Variants in RNF38 observed in about 807,000 individuals in gnomAD.
The protein encoded by RNF38 is E3 ubiquitin-protein ligase RNF38.
In RNF38, 15 loss-of-function variants were observed where a neutral mutation model predicts 67.2. The observed-to-expected ratio is 0.22, with a 90% CI of 0.15 to 0.34. The LOEUF is 0.34. Ranked by LOEUF, RNF38 falls within the 10% of genes least tolerant of loss-of-function variation. The pLI is 1.00. For synonymous variants in RNF38, 220 were observed against 218.8 expected, an observed-to-expected ratio of 1.01 and a Z score of -0.05; for missense variants, 524 against 639.9, an observed-to-expected ratio of 0.82 and a Z score of 1.95.
At chr9:36,368,644 G>T (rs1007592328) in intron 4 of RNF38, among the ~76,000 whole-genome samples, 1 of 152,054 alleles carries the variant, frequency 6.6e-6, no homozygotes, top group Non-Finnish European at 1.5e-5. Context: ...TTTCCTACAT[G>T]ATCAATTTTT....
chr9:36,362,319 T>C (rs141954006), intron 4 of RNF38, among the ~76,000 whole-genome samples: 1,692 of 151,164 alleles, frequency 0.011, 29 homozygotes, highest in African/African-American at 0.039. Context: ...GATCGAGCCA[T>C]TGCACTCCAG....
At chr9:36,440,389 C>T (rs923008054) in intron 1 of RNF38, among the ~76,000 whole-genome samples, 3 of 151,172 alleles carry the variant, frequency 2.0e-5, no homozygotes, top group Admixed American at 2.0e-4. Context: ...AAATTAACCG[C>T]GTGTGGTGGC....
intron 2 of RNF38, 140 bp downstream of exon 2, chr9:36,390,327 G>C: frequency 1.6e-6 from 1 of 619,094 alleles, no homozygotes; most frequent in Non-Finnish European, 2.5e-6. Context: ...AAATATTAAA[G>C]TCCTCTAAGA....
intron 4 of RNF38, among the ~76,000 whole-genome samples, chr9:36,365,791 G>A (rs565739946): frequency 2.0e-5 from 3 of 147,492 alleles, no homozygotes; most frequent in South Asian, 2.2e-4. Flanking sequence ...TCAGCCTCTC[G>A]AACAGCTGGG....
At chr9:36,463,452 G>A (rs542636696) in intron 1 of RNF38, among the ~76,000 whole-genome samples, 21 of 152,248 alleles carry the variant, frequency 1.4e-4, no homozygotes, top group South Asian at 1.0e-3. Context: ...GTTCTTCAAT[G>A]ATCTAAACGT....
chr9:36,479,901 A>G (rs1840208032), intron 1 of RNF38, among the ~76,000 whole-genome samples: 1 of 152,124 alleles, frequency 6.6e-6, no homozygotes, highest in South Asian at 2.1e-4. Flanking sequence ...GGAGTTCAAG[A>G]CCACCATGGG....
At chr9:36,362,779 G>A (rs768755080) in intron 4 of RNF38, among the ~76,000 whole-genome samples, 7 of 152,058 alleles carry the variant, frequency 4.6e-5, no homozygotes, top group East Asian at 1.9e-4. Context: ...GACTATAGGC[G>A]TGCATCACCA....
chr9:36,417,396 G>C (rs1292532160), intron 2 of RNF38, among the ~76,000 whole-genome samples: 2 of 152,142 alleles, frequency 1.3e-5, no homozygotes, highest in African/African-American at 4.8e-5. Flanking sequence ...GCCCGCTTTT[G>C]ATTTAAAATT....
chr9:36,356,747 T>TG (rs994212293), intron 5 of RNF38, among the ~76,000 whole-genome samples: 93 of 29,384 alleles, frequency 3.2e-3, no homozygotes, highest in Admixed American at 4.9e-3. Flanking sequence ...GGGGCGGGTG[T>TG]GGGGGGGGCG....
chr9:36,409,618 G>A (rs1308430445), intron 2 of RNF38, among the ~76,000 whole-genome samples: 1 of 152,190 alleles, frequency 6.6e-6, no homozygotes, highest in East Asian at 1.9e-4. Flanking sequence ...TGCTCTAGAT[G>A]ACACACACCC....
chr9:36,475,157 A>G (rs983922097), intron 1 of RNF38, among the ~76,000 whole-genome samples: 2 of 151,974 alleles, frequency 1.3e-5, no homozygotes, highest in South Asian at 4.2e-4. Flanking sequence ...AAAAAAAAAA[A>G]AAAAAAATCT....
intron 1 of RNF38, among the ~76,000 whole-genome samples, chr9:36,473,812 C>A (rs1840054872): frequency 6.7e-6 from 1 of 150,140 alleles, no homozygotes; most frequent in Admixed American, 6.7e-5. Flanking sequence ...TGGTGAAACC[C>A]CGTCTCTACT....
chr9:36,440,869 G>C (rs1051879739), intron 1 of RNF38, among the ~76,000 whole-genome samples: 5 of 152,158 alleles, frequency 3.3e-5, no homozygotes, highest in Non-Finnish European at 7.4e-5. Context: ...AGATACTTTG[G>C]GAGGCTGAGC....
chr9:36,465,611 C>G (rs552656111), intron 1 of RNF38, among the ~76,000 whole-genome samples: 1 of 152,242 alleles, frequency 6.6e-6, no homozygotes, highest in South Asian at 2.1e-4. Flanking sequence ...TCCCAAAGTG[C>G]TGAGATTACA....
chr9:36,416,675 A>C (rs964199027), intron 2 of RNF38, among the ~76,000 whole-genome samples: 3 of 151,604 alleles, frequency 2.0e-5, no homozygotes, highest in South Asian at 2.1e-4. Context: ...TGGTAAGATA[A>C]AAGTCAGAAA....
At chr9:36,445,509 C>T (rs2134314334) in intron 1 of RNF38, among the ~76,000 whole-genome samples, 1 of 152,236 alleles carries the variant, frequency 6.6e-6, no homozygotes, top group East Asian at 1.9e-4. Flanking sequence ...TAACTGGTCA[C>T]CATATGTATG....
At chr9:36,487,626 C>T (rs1200502235), upstream of RNF38, 1 of 969,660 alleles carries the variant, frequency 1.0e-6, no homozygotes, top group Non-Finnish European at 1.2e-6. Flanking sequence ...TGGCTGGGCC[C>T]CGGCCGGCAG....
chr9:36,432,788 C>A (rs970203313), intron 1 of RNF38, among the ~76,000 whole-genome samples: 11 of 151,930 alleles, frequency 7.2e-5, no homozygotes, highest in Non-Finnish European at 1.6e-4. Context: ...CAAACAACAA[C>A]AAAAACAAAA....
intron 8 of RNF38, among the ~76,000 whole-genome samples, chr9:36,352,385 G>C (rs1424961517): frequency 6.6e-6 from 1 of 151,264 alleles, no homozygotes; most frequent in Non-Finnish European, 1.5e-5. Flanking sequence ...GTAGTTCTAA[G>C]ACATAGAAAT....
Sources: gnomAD v4.1 joint callset for allele counts (sites outside exome capture counted in the v4.1 genomes callset) on GRCh38, gnomAD v4.1.1 for gene constraint, MANE v1.5 for transcripts, NCBI Gene and HGNC (gene_info 2026-07-23, HGNC 2026-07-21) for gene names.